The following NAT10 variants were observed in gnomAD, a reference collection of about 807,000 sequenced individuals.
NAT10 encodes N-acetyltransferase 10, also known as RNA cytidine acetyltransferase.
Under a neutral mutation model 132.2 loss-of-function variants are expected in NAT10, and 109 were observed. The ratio of observed to expected loss-of-function variants is 0.82; its 90% confidence interval spans 0.71 to 0.97. The LOEUF (loss-of-function observed/expected upper bound fraction) is 0.97. Among genes scored for constraint, NAT10 ranks in the 50% least tolerant of loss-of-function variants. The probability of loss-of-function intolerance (pLI) is 0.00; values close to 1 mark genes in which losing one functional copy is unlikely to be tolerated. For synonymous variants in NAT10, 479 were observed against 478.0 expected, an observed-to-expected ratio of 1.00 and a Z score of -0.03; for missense variants, 1,184 against 1,263.4, an observed-to-expected ratio of 0.94 and a Z score of 0.95.
chr11:34,107,594 A>G (rs1851617670), intron 1 of NAT10, among the ~76,000 whole-genome samples: 1 of 152,142 alleles, frequency 6.6e-6, no homozygotes, highest in Non-Finnish European at 1.5e-5. Flanking sequence ...TTATTCTGTC[A>G]TGATCTTGTC....
In NAT10 at chr11:34,143,498, G is replaced by A; in HGVS notation, c.2939G>A (p.Gly980Glu). ...EEWNEVLNKA[G>E]PNASIISLKS... ...TGGAATGAAGTTTTGAACAAAGCTGGGCCGAACGCCTCGATCATCAGCCTG... is the reference window on the plus strand; with the variant it reads ...TGGAATGAAGTTTTGAACAAAGCTGAGCCGAACGCCTCGATCATCAGCCTG... The change falls in exon 28 of 29, where the codon GGG becomes GAG. Residue 980 changes from glycine to glutamate, a missense_variant. Coordinates refer to ENST00000257829, the MANE Select transcript of NAT10 (RefSeq NM_024662.3). 6.2e-7 allele frequency: 1 copy of A among 1,614,096 alleles called. No individual in the cohort carries two copies. Among genetic ancestry groups the A allele is most frequent in the Non-Finnish European group, 8.5e-7 (1 of 1,180,018 alleles).
intron 15 of NAT10, 25 bp from the exon 16 acceptor site, chr11:34,133,001 A>G (rs773911045): frequency 6.3e-7 from 1 of 1,581,576 alleles, no homozygotes; most frequent in Non-Finnish European, 8.7e-7. Flanking sequence ...AGTGCTTCTC[A>G]CTGACCCGTG....
intron 23 of NAT10, 55 bp from the exon 24 acceptor site, chr11:34,140,345 A>G (rs1013511085): frequency 7.8e-6 from 12 of 1,544,314 alleles, no homozygotes; most frequent in Admixed American, 3.5e-5. Context: ...GCTGTGTGCT[A>G]TCTCATGAGG....
chr11:34,129,754 G>GCC (rs1223085541), intron 12 of NAT10, among the ~76,000 whole-genome samples: 2 of 151,706 alleles, frequency 1.3e-5, no homozygotes, highest in Non-Finnish European at 2.9e-5. Flanking sequence ...GATTACAGGT[G>GCC]TGTACCACCA....
At chr11:34,129,469 A>T (rs1043992525) in intron 12 of NAT10, among the ~76,000 whole-genome samples, 1 of 151,888 alleles carries the variant, frequency 6.6e-6, no homozygotes, top group African/African-American at 2.4e-5. Flanking sequence ...CATCTCTCCA[A>T]TTGGGTTGTC....
At chr11:34,106,435 T>C (rs1481344378) in intron 1 of NAT10, among the ~76,000 whole-genome samples, 2 of 151,966 alleles carry the variant, frequency 1.3e-5, no homozygotes, top group Non-Finnish European at 2.9e-5. Context: ...TTTTTTTTTT[T>C]ACATCTAATT....
chr11:34,109,848 C>A (rs955958478), intron 3 of NAT10, among the ~76,000 whole-genome samples: 4 of 152,202 alleles, frequency 2.6e-5, no homozygotes, highest in African/African-American at 9.7e-5. Context: ...GACCAGCTTT[C>A]TGTTTTCTGT....
intron 24 of NAT10, 27 bp downstream of exon 24, chr11:34,140,599 G>A (rs1433568111): frequency 6.2e-7 from 1 of 1,604,490 alleles, no homozygotes; most frequent in Non-Finnish European, 8.5e-7. Context: ...TTGCGTGGAG[G>A]AGAAGCGAGG....
At chr11:34,143,866 G>A (rs1325601727) in intron 28 of NAT10, among the ~76,000 whole-genome samples, 2 of 152,222 alleles carry the variant, frequency 1.3e-5, no homozygotes, top group African/African-American at 4.8e-5. Context: ...CAGGATGACA[G>A]CATAAGGGGG....
chr11:34,139,787 G>A (rs1210552146), intron 23 of NAT10, among the ~76,000 whole-genome samples: 1 of 152,178 alleles, frequency 6.6e-6, no homozygotes, highest in Non-Finnish European at 1.5e-5. Flanking sequence ...GGAGTGAGGT[G>A]CTCCATCTCT....
chr11:34,106,821 G>T (rs1415087916), intron 1 of NAT10, among the ~76,000 whole-genome samples: 1 of 152,158 alleles, frequency 6.6e-6, no homozygotes, highest in Non-Finnish European at 1.5e-5. Context: ...GCTAAAATCT[G>T]TTTGGATTGG....
chr11:34,110,208 G>A (rs2134152024), intron 3 of NAT10, among the ~76,000 whole-genome samples: 1 of 152,184 alleles, frequency 6.6e-6, no homozygotes, highest in East Asian at 1.9e-4. Flanking sequence ...GTGCGATTCT[G>A]TCCTTGAGCC....
chr11:34,108,207 T>A lies in NAT10; in HGVS notation c.-15-4T>A. 1 of 1,594,672 alleles carries A rather than the reference T, an allele frequency of 6.3e-7. No homozygotes were observed. The highest frequency in any genetic ancestry group is 8.6e-7 in the Non-Finnish European group (1 of 1,162,348). ...ATGGCCAGTTGTATTTCTTTCTCTTTTAGTAATAATTTTTCACCATGCATC... is the reference window on the plus strand; with the variant it reads ...ATGGCCAGTTGTATTTCTTTCTCTTATAGTAATAATTTTTCACCATGCATC... On this transcript the variant is annotated splice_region_variant and splice_polypyrimidine_tract_variant and intron_variant, in intron 1 of 28. Coordinates refer to ENST00000257829, the MANE Select transcript of NAT10 (RefSeq NM_024662.3).
chr11:34,106,753 C>T (rs1851600867), intron 1 of NAT10, among the ~76,000 whole-genome samples: 2 of 152,158 alleles, frequency 1.3e-5, no homozygotes. Flanking sequence ...TATACTTTCT[C>T]CTTTACGTAT....
rs768175245 is a variant in NAT10, at chr11:34,134,382, G to A, written c.1798G>A (p.Ala600Thr). ...ILNSLSRGKK[A>T]SGDLIPWTVS... ...GAACAGTCTGTCTCGAGGCAAGAAG[G>A]CTTCAGGGGACCTGATTCCATGGAC... The change falls in exon 17 of 29, where the codon GCT becomes ACT. Residue 600 changes from alanine (A) to threonine (T), a missense_variant. By Grantham distance (58) the Ala-to-Thr change is moderately conservative. Transcript: ENST00000257829. 5 of 1,614,238 alleles carry A rather than the reference G, an allele frequency of 3.1e-6. No individual in the cohort carries two copies. Among genetic ancestry groups the A allele is most frequent in the Non-Finnish European group, 4.2e-6 (5 of 1,180,038 alleles).
chr11:34,145,571 T>G (rs1277072390), intron 28 of NAT10, among the ~76,000 whole-genome samples: 1 of 152,214 alleles, frequency 6.6e-6, no homozygotes, highest in African/African-American at 2.4e-5. Context: ...CCTGAGTTAC[T>G]GTTGTTTGGG....
In NAT10 at chr11:34,131,482, A is replaced by G. The variant is rs1367172919; in HGVS notation, c.1471A>G (p.Asn491Asp). The change falls in exon 14 of 29, where the codon AAC (asparagine) becomes GAC (aspartate). Residue 491 changes from asparagine to aspartate, a missense_variant. By Grantham distance (23) the Asn-to-Asp change is conservative. Coordinates refer to ENST00000257829, the MANE Select transcript of NAT10 (RefSeq NM_024662.3). The stretch of plus-strand genomic sequence containing the variant: ...TGACTTGCTGTGCCTGGATTGCCTC[A>G]ACATCACTCGGATAGTCTCAGGCTG... The part of the protein sequence containing the change: ...LNDLLCLDCL[N>D]ITRIVSGCPL... 6.2e-7 allele frequency: 1 copy of G among 1,614,054 alleles called. No individual in the cohort carries two copies.
At position 34,146,346 on chromosome 11, in the gene NAT10, A is replaced by C; in HGVS notation, c.*154A>C. The C allele has an allele frequency of 2.1e-5, 12 of 582,516 alleles. No homozygotes were observed. The highest frequency in any genetic ancestry group is 2.9e-5 in the East Asian group (1 of 34,116). The allele number at this position is 582,516 out of a possible 1,614,324, so 36.1% of individuals were successfully genotyped here. Reference sequence around the variant, plus strand: ...TCTGGGCCTGTGTGTCTGTGAGCTCAACCTGGCTAAAGGCAGAGTCACTCC... The same window carrying C: ...TCTGGGCCTGTGTGTCTGTGAGCTCCACCTGGCTAAAGGCAGAGTCACTCC... On this transcript the variant is annotated 3_prime_UTR_variant, in exon 29 of 29. Coordinates refer to ENST00000257829, the MANE Select transcript of NAT10 (RefSeq NM_024662.3).
chr11:34,140,315 T>C, intron 23 of NAT10, 85 bp from the exon 24 acceptor site: 1 of 1,306,684 alleles, frequency 7.7e-7, no homozygotes. Context: ...TGCTCCTGTG[T>C]GTTAGGGTGC....
Sources: allele counts gnomAD v4.1 joint callset (sites outside exome capture counted in the v4.1 genomes callset), GRCh38; gene constraint gnomAD v4.1.1; transcripts MANE v1.5; gene names NCBI Gene and HGNC (gene_info 2026-07-23, HGNC 2026-07-21).